PCBP2: variants seen among roughly 807,000 people sequenced by gnomAD.
PCBP2 encodes the protein poly(rC)-binding protein 2.
A neutral mutation model predicts 50.1 loss-of-function variants in PCBP2; 4 were observed. That is an observed-to-expected ratio of 0.08 (90% confidence interval 0.04 to 0.18). The LOEUF (loss-of-function observed/expected upper bound fraction) is 0.18. Among genes scored for constraint, PCBP2 ranks in the 10% least tolerant of loss-of-function variants. The probability of loss-of-function intolerance (pLI) is 1.00; values close to 1 mark genes in which losing one functional copy is unlikely to be tolerated. For missense variants in PCBP2, 161 were observed against 474.3 expected, an observed-to-expected ratio of 0.34 and a Z score of 6.14; for synonymous variants, 179 against 168.0, an observed-to-expected ratio of 1.07 and a Z score of -0.51.
chr12:53,456,480 A>T (rs1941026040), intron 5 of PCBP2, among the ~76,000 whole-genome samples: 1 of 152,070 alleles, frequency 6.6e-6, no homozygotes, highest in African/African-American at 2.4e-5. Flanking sequence ...AAGTCACTTG[A>T]ATCATCAAAA....
At chr12:53,465,041 A>AATT in intron 9 of PCBP2, 189 bp downstream of exon 9, 1 of 544,844 alleles carries the variant, frequency 1.8e-6, no homozygotes, top group East Asian at 3.6e-5. Context: ...GGTAACACCA[A>AATT]CTTTTTTTTT....
chr12:53,455,591 G>T, intron 4 of PCBP2, 98 bp downstream of exon 4: 1 of 1,241,902 alleles, frequency 8.1e-7, no homozygotes, highest in Non-Finnish European at 1.2e-6. Context: ...TCTCAATAAG[G>T]GAAATATGTA....
intron 5 of PCBP2, 22 bp from the exon 6 acceptor site, chr12:53,459,250 G>T: frequency 6.3e-7 from 1 of 1,583,774 alleles, no homozygotes; most frequent in Non-Finnish European, 8.6e-7. Flanking sequence ...TCTGCTTATT[G>T]TGGTGTTCTT....
At chr12:53,473,203 C>G (rs1189346988) in intron 14 of PCBP2, among the ~76,000 whole-genome samples, 1 of 151,978 alleles carries the variant, frequency 6.6e-6, no homozygotes, top group Non-Finnish European at 1.5e-5. Context: ...CCTGCCTCAG[C>G]CTCCCAAGTA....
chr12:53,454,655 G>C (rs1360279365), intron 1 of PCBP2, 71 bp from the exon 2 acceptor site: 2 of 656,118 alleles, frequency 3.0e-6, no homozygotes, highest in South Asian at 1.8e-5. Flanking sequence ...ATATTGATAA[G>C]GTGAAAATAA....
chr12:53,475,173 A>G, intron 14 of PCBP2: 1 of 456,566 alleles, frequency 2.2e-6, no homozygotes, highest in Non-Finnish European at 4.4e-6. Context: ...GCCATGTGTA[A>G]CTAACAAACT....
At chr12:53,475,329 C>G in intron 14 of PCBP2, 1 of 368,966 alleles carries the variant, frequency 2.7e-6, no homozygotes, top group South Asian at 2.0e-5. Flanking sequence ...CTTTTTACTA[C>G]TTTGGGGGAT....
At chr12:53,467,152 A>G (rs867398447) in intron 10 of PCBP2, 69 bp from the exon 11 acceptor site, 3 of 1,239,584 alleles carry the variant, frequency 2.4e-6, no homozygotes, top group Non-Finnish European at 3.5e-6. Flanking sequence ...TGCATTTTCA[A>G]ATTCGAATGT....
At chr12:53,474,791 T>G (rs769060594) in intron 14 of PCBP2, 7 of 349,636 alleles carry the variant, frequency 2.0e-5, no homozygotes, top group Non-Finnish European at 3.4e-5. Context: ...GAAGCAGTTT[T>G]TGTCCTGTAC....
At position 53,479,673 on chromosome 12, in the gene PCBP2, T is replaced by TTTTTTTTTTTTTTTTGG; in HGVS notation, c.*241_*242insTTTTTGGTTTTTTTTTT. 2.7e-6 allele frequency: 1 copy of TTTTTTTTTTTTTTTTGG among 372,740 alleles called. No individual in the cohort carries two copies. The highest frequency in any genetic ancestry group is 4.8e-6 in the Non-Finnish European group (1 of 209,382). 23.1% of individuals were successfully genotyped at this position (372,740 alleles called of 1,614,324 possible). ...TTAGTTTTATAAGCTTCTCCCTGGT[T>TTTTTTTTTTTTTTTTGG]TTTTTTTTTTGGCTCATGAATTTTT... On this transcript the variant is annotated 3_prime_UTR_variant, in exon 15 of 15. Coordinates refer to ENST00000546463, the MANE Select transcript of PCBP2 (RefSeq NM_031989.5).
intron 14 of PCBP2, among the ~76,000 whole-genome samples, chr12:53,477,633 T>C (rs899452493): frequency 8.9e-6 from 1 of 112,124 alleles, no homozygotes; most frequent in African/African-American, 3.5e-5. Flanking sequence ...GCCACTGTAC[T>C]CCAGCCTGGG....
Position 53,452,159 on chromosome 12 carries a change from CCCGCCCTCCGCCCGCCCGCCCGCCCTCCG to C in PCBP2, c.-283_-255del, listed in dbSNP as rs1490291143. On this transcript the variant is annotated 5_prime_UTR_variant, in exon 1 of 15. Coordinates refer to ENST00000546463, the MANE Select transcript of PCBP2 (RefSeq NM_031989.5). Reference sequence around the variant, plus strand: ...CGCAGCCTGCGCCCTCTCCCGCCCGCCCGCCCTCCGCCCGCCCGCCCGCCCTCCGCCGCCCTCCACCCGCCCCGGGGTCT... The same window carrying C: ...CGCAGCCTGCGCCCTCTCCCGCCCGCCCGCCCTCCACCCGCCCCGGGGTCT... 1.5e-5 allele frequency: 2 copies of C among 132,164 alleles called. No homozygotes were observed. The allele number at this position is 132,164 out of a possible 1,614,324, so 8.2% of individuals were successfully genotyped here. A position where few individuals can be genotyped will look rare whatever the true frequency, so the allele number is the denominator to read the frequency against.
At chr12:53,477,208 A>G (rs1942647115) in intron 14 of PCBP2, among the ~76,000 whole-genome samples, 1 of 152,040 alleles carries the variant, frequency 6.6e-6, no homozygotes, top group South Asian at 2.1e-4. Flanking sequence ...TGCTACCACC[A>G]ATTTTTATGA....
intron 10 of PCBP2, 120 bp downstream of exon 10, chr12:53,466,093 G>T: frequency 2.4e-6 from 2 of 824,286 alleles, no homozygotes; most frequent in Non-Finnish European, 4.2e-6. Flanking sequence ...GTATTAAGTT[G>T]TTTTCTTCAC....
intron 13 of PCBP2, among the ~76,000 whole-genome samples, chr12:53,469,367 A>G (rs1302723845): frequency 6.6e-6 from 1 of 152,198 alleles, no homozygotes; most frequent in African/African-American, 2.4e-5. Context: ...AAATATGATA[A>G]GAGAAAATAG....
chr12:53,458,949 T>G lies in PCBP2; in HGVS notation c.244-323T>G, dbSNP rs187708178. Among the ~76,000 whole-genome samples the G allele has an allele frequency of 3.3e-5, 5 of 152,270 alleles. No individual in the cohort carries two copies. In the East Asian group the frequency reaches 7.7e-4, roughly 24 times the overall value. ...GCTACCGTGCCTGGCAGTATTTGATTTAATTTTGACATCATCTTTTTTCCC... is the reference window on the plus strand; with the variant it reads ...GCTACCGTGCCTGGCAGTATTTGATGTAATTTTGACATCATCTTTTTTCCC... On this transcript the variant is annotated intron_variant, in intron 5 of 14. Coordinates refer to ENST00000546463, the MANE Select transcript of PCBP2 (RefSeq NM_031989.5).
intron 6 of PCBP2, 190 bp from the exon 7 acceptor site, chr12:53,460,825 A>T (rs1375887724): frequency 3.8e-6 from 2 of 519,912 alleles, no homozygotes; most frequent in Non-Finnish European, 6.7e-6. Context: ...TTCAGTGGCT[A>T]ATTTATTTTT....
intron 5 of PCBP2, 46 bp from the exon 6 acceptor site, chr12:53,459,226 C>T: frequency 1.3e-6 from 2 of 1,524,628 alleles, no homozygotes; most frequent in Non-Finnish European, 1.8e-6. Flanking sequence ...ATGGCAGTTA[C>T]TAGTTTCCAG....
At chr12:53,467,683 T>G (rs936105061) in intron 11 of PCBP2, 122 bp from the exon 12 acceptor site, 5 of 829,692 alleles carry the variant, frequency 6.0e-6, no homozygotes, top group Admixed American at 4.2e-5. Context: ...GTGTAGTGTT[T>G]TTTTTGTTTT....
Sources: gnomAD v4.1 joint callset for allele counts (sites outside exome capture counted in the v4.1 genomes callset) on GRCh38, gnomAD v4.1.1 for gene constraint, MANE v1.5 for transcripts, NCBI Gene and HGNC (gene_info 2026-07-23, HGNC 2026-07-21) for gene names.